The following OSBPL10 variants were observed in gnomAD, a reference collection of about 807,000 sequenced individuals.
OSBPL10 encodes oxysterol binding protein like 10.
Under a neutral mutation model 81.7 loss-of-function variants are expected in OSBPL10, and 49 were observed. The observed-to-expected ratio is 0.60, with a 90% CI of 0.48 to 0.76. OSBPL10 has a LOEUF of 0.76. OSBPL10 is among the 30% of genes least tolerant of loss of function. The probability of loss-of-function intolerance (pLI) is 0.00; values close to 1 mark genes in which losing one functional copy is unlikely to be tolerated. For synonymous variants in OSBPL10, 419 were observed against 383.6 expected (o/e 1.09, Z -1.08); for missense variants, 923 against 987.8 (o/e 0.93, Z 0.88).
chr3:31,768,834 T>C (rs904926227), intron 4 of OSBPL10, among the ~76,000 whole-genome samples: 1 of 152,204 alleles, frequency 6.6e-6, no homozygotes, highest in Non-Finnish European at 1.5e-5. Context: ...CAAGCTCCAT[T>C]TATTTCACAA....
At chr3:31,960,042 C>T (rs1329439498) in intron 1 of OSBPL10, 1 of 152,214 alleles carries the variant, frequency 6.6e-6, no homozygotes, top group African/African-American at 2.4e-5. Flanking sequence ...AAAACTCTCC[C>T]TCTTAGGTCT....
Position 31,981,209 on chromosome 3 carries a change from C to T in OSBPL10, c.-30G>A, listed in dbSNP as rs1575076223. On this transcript the variant is annotated 5_prime_UTR_variant, in exon 1 of 12. Coordinates refer to ENST00000396556, the MANE Select transcript of OSBPL10 (RefSeq NM_017784.5). The surrounding 1 kb of genome is among the most constrained non-coding windows in gnomAD (Gnocchi z 4.5). ...CGTGGGCGCCCGGGACGCGGGTGCC[C>T]GCCGCGGTGGCGGCCCCGGCACGGC... 2 of 1,371,254 alleles carry T rather than the reference C, an allele frequency of 1.5e-6. No individual in the cohort carries two copies. The highest frequency in any genetic ancestry group is 1.7e-5 in the South Asian group (1 of 57,836). The allele number at this position is 1,371,254 out of a possible 1,614,324, so 84.9% of individuals were successfully genotyped here.
intron 4 of OSBPL10, among the ~76,000 whole-genome samples, chr3:31,802,847 C>T (rs1402203987): frequency 6.6e-6 from 1 of 152,104 alleles, no homozygotes; most frequent in Non-Finnish European, 1.5e-5. Context: ...CCAGGGTTGA[C>T]CCAGGATGGA....
chr3:32,036,283 A>T (rs1204326635), intron 2 of OSBPL10, among the ~76,000 whole-genome samples: 1 of 152,148 alleles, frequency 6.6e-6, no homozygotes, highest in Non-Finnish European at 1.5e-5. Flanking sequence ...TCTGGCCTTA[A>T]GCCATCCTCC....
rs537203448 is a variant in OSBPL10 at position 31,693,554 on chromosome 3, G to A, written c.1245+8805C>T. Among the ~76,000 whole-genome samples the A allele has an allele frequency of 7.8e-4, 119 of 152,294 alleles. 2 individuals are homozygous for A. The South Asian group carries it at 0.022, about 28-fold the overall frequency. On this transcript the variant is annotated intron_variant, in intron 7 of 11. Transcript: ENST00000396556. ...CTGTGGTGAGAACATGATGTCTGCTGTAGTGTGATTCTATATACCAGGGGT... is the reference window on the plus strand; with the variant it reads ...CTGTGGTGAGAACATGATGTCTGCTATAGTGTGATTCTATATACCAGGGGT...
At chr3:31,777,180 G>A (rs72859696) in intron 4 of OSBPL10, among the ~76,000 whole-genome samples, 5,398 of 152,282 alleles carry the variant, frequency 0.035, 320 homozygotes, top group African/African-American at 0.12. Context: ...CTGCAGCACT[G>A]AACAGCACAT....
intron 2 of OSBPL10, among the ~76,000 whole-genome samples, chr3:32,033,318 G>T (rs1163390220): frequency 6.6e-6 from 1 of 152,054 alleles, no homozygotes; most frequent in Non-Finnish European, 1.5e-5. Context: ...TAATTAACTT[G>T]AACTTACATG....
intron 3 of OSBPL10, among the ~76,000 whole-genome samples, chr3:31,874,698 A>G (rs1243465829): frequency 6.6e-6 from 1 of 152,192 alleles, no homozygotes; most frequent in Non-Finnish European, 1.5e-5. Flanking sequence ...AGAAACCTGA[A>G]TGTTAGTAAC....
At chr3:31,816,757 C>T (rs951107041) in intron 4 of OSBPL10, among the ~76,000 whole-genome samples, 1 of 152,160 alleles carries the variant, frequency 6.6e-6, no homozygotes, top group African/African-American at 2.4e-5. Flanking sequence ...AGTGTTACAA[C>T]AGCTCAGAGG....
In OSBPL10 at chr3:32,000,090, C is replaced by T. The variant is rs574774972; in HGVS notation, n.298+46401G>A. On this transcript the variant is annotated intron_variant and non_coding_transcript_variant, in intron 2 of 3. Coordinates refer to the OSBPL10 transcript ENST00000479173. ...TATCTTTGTTTGTTTCTAAGTCAGC[C>T]TTCATTTCCTCTGTCTTAGTCATAC... Among the ~76,000 whole-genome samples, 5 of 152,208 alleles carry T rather than the reference C, an allele frequency of 3.3e-5. No individual in the cohort carries two copies. The South Asian group carries it at 1.0e-3, about 32-fold the overall frequency.
chr3:31,836,131 GCT>G (rs753879667), intron 3 of OSBPL10, among the ~76,000 whole-genome samples: 2 of 152,118 alleles, frequency 1.3e-5, no homozygotes, highest in South Asian at 2.1e-4. Flanking sequence ...ATTTGTTCCA[GCT>G]CTCTCTACTT....
chr3:31,873,747 T>C (rs1472609460), intron 3 of OSBPL10, among the ~76,000 whole-genome samples: 1 of 152,194 alleles, frequency 6.6e-6, no homozygotes, highest in African/African-American at 2.4e-5. Context: ...CTAATAACCA[T>C]GATGCAAATT....
intron 1 of OSBPL10, among the ~76,000 whole-genome samples, chr3:31,965,685 A>G (rs1365268675): frequency 2.1e-5 from 1 of 48,306 alleles, no homozygotes; most frequent in Non-Finnish European, 2.9e-5. Flanking sequence ...AATATATATT[A>G]TATAAAATAT....
intron 3 of OSBPL10, among the ~76,000 whole-genome samples, chr3:31,841,401 A>G (rs1700494811): frequency 6.6e-6 from 1 of 152,240 alleles, no homozygotes; most frequent in African/African-American, 2.4e-5. Context: ...ATTTTTACCA[A>G]TGAATTCAAG....
chr3:31,926,524 A>G (rs942938096), intron 1 of OSBPL10, among the ~76,000 whole-genome samples: 2 of 152,142 alleles, frequency 1.3e-5, no homozygotes, highest in African/African-American at 4.8e-5. Context: ...ATTACTATAA[A>G]TTCTGGAATA....
intron 4 of OSBPL10, among the ~76,000 whole-genome samples, chr3:31,806,084 TG>T (rs1375418677): frequency 1.3e-5 from 2 of 152,180 alleles, no homozygotes; most frequent in African/African-American, 4.8e-5. Flanking sequence ...GGCCAGGAAT[TG>T]AACTCTGGCA....
At chr3:31,933,151 A>C (rs1697294602) in intron 1 of OSBPL10, among the ~76,000 whole-genome samples, 1 of 152,178 alleles carries the variant, frequency 6.6e-6, no homozygotes, top group Non-Finnish European at 1.5e-5. Flanking sequence ...GAAACTGATC[A>C]CTGAAATGAG....
At chr3:32,006,783 A>G (rs1483907582) in intron 2 of OSBPL10, among the ~76,000 whole-genome samples, 1 of 152,138 alleles carries the variant, frequency 6.6e-6, no homozygotes, top group Admixed American at 6.5e-5. Context: ...CTATTTACCC[A>G]CACTTATGTA....
chr3:31,797,795 ACTCT>A (rs1223010106), intron 4 of OSBPL10: 3 of 455,966 alleles, frequency 6.6e-6, no homozygotes, highest in Admixed American at 2.4e-5. Context: ...GATGCCAATG[ACTCT>A]CTGTGTGACC....
Sources: gnomAD v4.1 joint callset for allele counts (sites outside exome capture counted in the v4.1 genomes callset) on GRCh38, gnomAD v4.1.1 for gene constraint, Gnocchi (gnomAD v3.1) non-coding constraint, MANE v1.5 for transcripts, NCBI Gene and HGNC (gene_info 2026-07-23, HGNC 2026-07-21) for gene names.